DSCAML1: variants seen among roughly 807,000 people sequenced by gnomAD.
DSCAML1 encodes DS cell adhesion molecule like 1, also known as cell adhesion molecule DSCAML1.
A neutral mutation model predicts 200.5 loss-of-function variants in DSCAML1; 38 were observed. That is an observed-to-expected ratio of 0.19 (90% CI 0.15 to 0.25). The LOEUF is 0.25. DSCAML1 is among the 10% of genes least tolerant of loss of function. The pLI, the probability that DSCAML1 is intolerant of heterozygous loss-of-function variation, is 1.00. For synonymous variants in DSCAML1, 1,215 were observed against 1,165.0 expected (o/e 1.04, Z -0.87); for missense variants, 2,223 against 2,858.8 (o/e 0.78, Z 5.07).
chr11:117,614,525 C>T (rs2051769067), intron 3 of DSCAML1, among the ~76,000 whole-genome samples: 1 of 152,224 alleles, frequency 6.6e-6, no homozygotes, highest in African/African-American at 2.4e-5. Context: ...TTCTCTTCCT[C>T]TACCTCCTCC....
chr11:117,567,417 G>A (rs1280699757), intron 3 of DSCAML1, among the ~76,000 whole-genome samples: 2 of 152,072 alleles, frequency 1.3e-5, no homozygotes, highest in African/African-American at 4.8e-5. Flanking sequence ...CCCACTTTTT[G>A]ATGGGGTGGT....
chr11:117,753,382 G>A (rs907195421), intron 3 of DSCAML1, among the ~76,000 whole-genome samples: 2 of 152,140 alleles, frequency 1.3e-5, no homozygotes, highest in Non-Finnish European at 2.9e-5. Flanking sequence ...TGCTATGTTT[G>A]GGGCATGTCA....
At position 117,432,406 on chromosome 11, in the gene DSCAML1, G is replaced by A. The variant is rs374300678; in HGVS notation, c.5125C>T (p.Leu1709Phe). 5 of 1,614,080 alleles carry A rather than the reference G, an allele frequency of 3.1e-6. No homozygotes were observed. The African/African-American group carries it at 6.7e-5, about 22-fold the overall frequency. ...CTGVSLHHPT[L>F]IQSTGPLIDM... ...ATGAGGGGTCCTGTGCTCTGGATGA[G>A]GGTTGGGTGGTGCAAGGAGACGCCA... is the stretch of plus-strand genomic sequence containing the variant. Residue 1709 changes from leucine to phenylalanine, a missense_variant, in exon 30 of 33, where the codon CTC becomes TTC. Leu to Phe is a conservative substitution (Grantham distance 22). Coordinates refer to ENST00000651296, the MANE Select transcript of DSCAML1 (RefSeq NM_020693.4).
chr11:117,509,586 G>A (rs898560063), intron 8 of DSCAML1, among the ~76,000 whole-genome samples: 1 of 152,206 alleles, frequency 6.6e-6, no homozygotes, highest in African/African-American at 2.4e-5. Flanking sequence ...GGGCAGCCTG[G>A]AGGGGGAAGA....
intron 3 of DSCAML1, among the ~76,000 whole-genome samples, chr11:117,562,162 C>T (rs2050675251): frequency 6.6e-6 from 1 of 152,160 alleles, no homozygotes; most frequent in Non-Finnish European, 1.5e-5. Flanking sequence ...CACTGAGGGC[C>T]AGCTGCTAGG....
chr11:117,756,469 C>T (rs1005822630), intron 3 of DSCAML1, among the ~76,000 whole-genome samples: 2 of 152,152 alleles, frequency 1.3e-5, no homozygotes, highest in Non-Finnish European at 2.9e-5. Flanking sequence ...GAGCCAGCGA[C>T]CACGATGAGA....
chr11:117,485,018 G>C (rs1322625013), intron 11 of DSCAML1, among the ~76,000 whole-genome samples: 3 of 151,696 alleles, frequency 2.0e-5, no homozygotes, highest in Non-Finnish European at 4.4e-5. Flanking sequence ...TGTTCTCCAG[G>C]CAGGCCTGCA....
intron 11 of DSCAML1, among the ~76,000 whole-genome samples, chr11:117,483,320 C>A (rs1350768967): frequency 6.6e-6 from 1 of 152,144 alleles, no homozygotes; most frequent in Admixed American, 6.5e-5. Context: ...GATACCTGCA[C>A]CGGCAACATG....
intron 3 of DSCAML1, among the ~76,000 whole-genome samples, chr11:117,690,758 CAG>C (rs2053480410): frequency 1.3e-5 from 2 of 152,274 alleles, no homozygotes; most frequent in Admixed American, 1.3e-4. Context: ...CATCTGGAAA[CAG>C]AAAAAGGGAA....
chr11:117,547,959 T>G (rs2050406138), intron 3 of DSCAML1, among the ~76,000 whole-genome samples: 1 of 151,864 alleles, frequency 6.6e-6, no homozygotes, highest in Non-Finnish European at 1.5e-5. Flanking sequence ...CCCCTTAGAG[T>G]CAGCTCACAT....
At chr11:117,665,715 C>G (rs1166957221) in intron 3 of DSCAML1, among the ~76,000 whole-genome samples, 2 of 152,178 alleles carry the variant, frequency 1.3e-5, no homozygotes, top group Non-Finnish European at 2.9e-5. Flanking sequence ...GGATTCACAC[C>G]AGGCAGCATG....
rs767828414 is a variant in DSCAML1 at position 117,432,380 on chromosome 11, G to A, written c.5151C>T (p.Ile1717=). 14 of 1,613,890 alleles carry A rather than the reference G, an allele frequency of 8.7e-6. 1 individual carries two copies. In the South Asian group the frequency reaches 9.9e-5, roughly 11 times the overall value. Residue 1717 remains isoleucine, a synonymous_variant, in exon 30 of 33, where the codon ATC becomes ATT. Transcript: ENST00000651296. ...TTCCTGGCCGGATGTCAGACATGTCGATGAGGGGTCCTGTGCTCTGGATGA... is the reference window on the plus strand; with the variant it reads ...TTCCTGGCCGGATGTCAGACATGTCAATGAGGGGTCCTGTGCTCTGGATGA... ...PTLIQSTGPL[I]DMSDIRPGTN...
intron 3 of DSCAML1, among the ~76,000 whole-genome samples, chr11:117,556,146 C>T (rs1466829861): frequency 6.6e-6 from 1 of 152,286 alleles, no homozygotes; most frequent in Non-Finnish European, 1.5e-5. Context: ...ATGAGAATTA[C>T]AGGAGATGAA....
chr11:117,458,697 T>C, intron 19 of DSCAML1, 57 bp downstream of exon 19: 2 of 1,590,212 alleles, frequency 1.3e-6, no homozygotes, highest in Non-Finnish European at 1.7e-6. Context: ...GGGGTGGGGC[T>C]GGGGGTTAGC....
chr11:117,467,501 G>A (rs997926934), intron 16 of DSCAML1, among the ~76,000 whole-genome samples: 1 of 152,158 alleles, frequency 6.6e-6, no homozygotes, highest in South Asian at 2.1e-4. Flanking sequence ...TAGTAAAACA[G>A]CACTACTGTT....
chr11:117,712,117 TA>T (rs2053859953), intron 3 of DSCAML1, among the ~76,000 whole-genome samples: 1 of 152,336 alleles, frequency 6.6e-6, no homozygotes, highest in African/African-American at 2.4e-5. Context: ...GCATTTATTT[TA>T]TTTTTTTTAA....
chr11:117,683,313 G>A (rs1240828429), intron 3 of DSCAML1, among the ~76,000 whole-genome samples: 1 of 152,210 alleles, frequency 6.6e-6, no homozygotes, highest in African/African-American at 2.4e-5. Context: ...GTCCCAGCCT[G>A]CATCTTTTCT....
At chr11:117,705,036 C>T (rs941442736) in intron 3 of DSCAML1, among the ~76,000 whole-genome samples, 2 of 152,102 alleles carry the variant, frequency 1.3e-5, no homozygotes. Flanking sequence ...GTACCCACGC[C>T]GAGGGGGGGA....
intron 11 of DSCAML1, among the ~76,000 whole-genome samples, chr11:117,492,830 C>G (rs1049384766): frequency 2.6e-5 from 4 of 152,194 alleles, no homozygotes; most frequent in Non-Finnish European, 5.9e-5. Flanking sequence ...CCTTCTGGTG[C>G]CTGTTTTGTT....
Sources: gnomAD v4.1 joint callset for allele counts (sites outside exome capture counted in the v4.1 genomes callset) on GRCh38, gnomAD v4.1.1 for gene constraint, MANE v1.5 for transcripts, NCBI Gene and HGNC (gene_info 2026-07-23, HGNC 2026-07-21) for gene names.